The following MTMR3 variants were observed in gnomAD, a reference collection of about 807,000 sequenced individuals.
The protein encoded by MTMR3 is phosphatidylinositol-3,5-bisphosphate 3-phosphatase MTMR3.
Under a neutral mutation model 132.4 loss-of-function variants are expected in MTMR3, and 32 were observed. The ratio of observed to expected loss-of-function variants is 0.24; its 90% CI spans 0.18 to 0.32. The LOEUF (loss-of-function observed/expected upper bound fraction) is 0.32. MTMR3 is among the 10% of genes least tolerant of loss of function. The pLI is 1.00. For missense variants in MTMR3, 1,216 were observed against 1,489.6 expected, an observed-to-expected ratio of 0.82 and a Z score of 3.02; for synonymous variants, 556 against 550.3, an observed-to-expected ratio of 1.01 and a Z score of -0.14.
chr22:29,993,940 G>A lies in MTMR3; in HGVS notation c.460+2270G>A, dbSNP rs111443715. 176 of 177,756 alleles carry A rather than the reference G, an allele frequency of 9.9e-4. 1 individual carries two copies. The highest frequency in any genetic ancestry group is 3.9e-3 in the African/African-American group (162 of 41,986). 11.0% of individuals were successfully genotyped at this position (177,756 alleles called of 1,614,324 possible). On this transcript the variant is annotated intron_variant, in intron 7 of 19. Transcript: ENST00000401950. ...AATTAGGAAACCTGAATTTAAATGC[G>A]TATTCTACGATTTAGTTGAAAAAAA...
At chr22:29,961,941 A>C (rs2066320245) in intron 2 of MTMR3, among the ~76,000 whole-genome samples, 1 of 152,262 alleles carries the variant, frequency 6.6e-6, no homozygotes, top group African/African-American at 2.4e-5. Context: ...CATGCTGTGC[A>C]GGTTTGTAGC....
intron 7 of MTMR3, chr22:29,993,987 T>G (rs2067012916): frequency 2.9e-6 from 1 of 347,308 alleles, no homozygotes; most frequent in Admixed American, 6.5e-5. Flanking sequence ...AAAGAATTTA[T>G]GCTCTCTGTG....
chr22:30,017,913 T>TC lies in MTMR3; in HGVS notation c.1675-8dup, dbSNP rs749043820. On this transcript the variant is annotated splice_polypyrimidine_tract_variant and intron_variant, in intron 15 of 19. Coordinates refer to ENST00000401950, the MANE Select transcript of MTMR3 (RefSeq NM_021090.4). ...TTGGGGCATATTTAAACCTGTGTCC[T>TC]CCCCCCTCCTCAGGTGCTGTACCCT... is the stretch of plus-strand genomic sequence containing the variant. 1.4e-5 allele frequency: 22 copies of TC among 1,611,958 alleles called. No individual in the cohort carries two copies. Among genetic ancestry groups the TC allele is most frequent in the Non-Finnish European group, 1.7e-5 (20 of 1,179,308 alleles).
At chr22:29,998,651 T>C (rs1164308227) in intron 7 of MTMR3, 110 bp from the exon 8 acceptor site, 21 of 539,108 alleles carry the variant, frequency 3.9e-5, no homozygotes, top group Middle Eastern at 5.4e-4. Context: ...TCAAAAAATA[T>C]ATATATATTT....
At chr22:30,015,276 CA>C (rs1258343778) in intron 14 of MTMR3, 2 of 151,166 alleles carry the variant, frequency 1.3e-5, no homozygotes, top group African/African-American at 4.9e-5. Flanking sequence ...AGGCAGGTCT[CA>C]AACACCTGGG....
chr22:29,946,561 G>A (rs185705898), intron 1 of MTMR3, among the ~76,000 whole-genome samples: 10 of 152,250 alleles, frequency 6.6e-5, no homozygotes, highest in African/African-American at 2.2e-4. Context: ...GAAAAATGAG[G>A]GAACAAGGAA....
At chr22:29,902,647 G>A (rs190768676) in intron 1 of MTMR3, among the ~76,000 whole-genome samples, 26 of 152,192 alleles carry the variant, frequency 1.7e-4, no homozygotes, top group Admixed American at 1.4e-3. Flanking sequence ...GATTACAGGC[G>A]TGAGTCACCG....
chr22:30,016,597 G>A lies in MTMR3; in HGVS notation c.1573G>A (p.Gly525Arg). 2 of 1,614,204 alleles carry A rather than the reference G, an allele frequency of 1.2e-6. No individual in the cohort carries two copies. The highest frequency in any genetic ancestry group is 1.7e-6 in the Non-Finnish European group (2 of 1,180,040). Residue 525 changes from glycine to arginine, a missense_variant, in exon 15 of 20, where the codon GGG (glycine) becomes AGG (arginine). By Grantham distance (125) the Gly-to-Arg change is moderately radical. Around this residue, in one of 7 missense-constraint regions of MTMR3, gnomAD observed 852 missense variants for 852.0 expected, o/e 1.00. Transcript: ENST00000401950. Reference sequence around the variant, plus strand: ...CCTGTGCAACAACGCCAAGGAGAGAGGGGAAAAGCATACTCAGGAACGGAC... The same window carrying A: ...CCTGTGCAACAACGCCAAGGAGAGAAGGGAAAAGCATACTCAGGAACGGAC... ...TFLCNNAKER[G>R]EKHTQERTCS...
At chr22:30,025,456 T>C in intron 19 of MTMR3, 174 bp from the exon 20 acceptor site, 1 of 639,152 alleles carries the variant, frequency 1.6e-6, no homozygotes, top group Admixed American at 2.8e-5. Context: ...CTCTGCTAGG[T>C]AGGGACACCC....
chr22:29,925,338 T>C (rs917780912), intron 1 of MTMR3, among the ~76,000 whole-genome samples: 4 of 152,178 alleles, frequency 2.6e-5, no homozygotes, highest in Non-Finnish European at 5.9e-5. Flanking sequence ...CAGCCTGAAT[T>C]TTTTGACGTC....
chr22:30,002,747 T>C (rs1251389030), intron 8 of MTMR3, 133 bp from the exon 9 acceptor site: 3 of 638,658 alleles, frequency 4.7e-6, no homozygotes, highest in African/African-American at 3.6e-5. Flanking sequence ...AAGCGCCTCA[T>C]TGCCTTTAAC....
At chr22:30,015,657 C>T (rs1161783071) in intron 14 of MTMR3, 2 of 152,194 alleles carry the variant, frequency 1.3e-5, no homozygotes, top group African/African-American at 2.4e-5. Context: ...TGAGTTATCC[C>T]AGCATAGAGT....
intron 15 of MTMR3, chr22:30,017,020 G>C (rs946830013): frequency 8.7e-6 from 2 of 229,706 alleles, no homozygotes; most frequent in Non-Finnish European, 1.7e-5. Flanking sequence ...AGGCACTTAA[G>C]TTGCTTCCTG....
intron 3 of MTMR3, among the ~76,000 whole-genome samples, chr22:29,971,865 C>T (rs79875810): frequency 0.02 from 3,097 of 152,280 alleles, 46 homozygotes; most frequent in Non-Finnish European, 0.032. Flanking sequence ...GTAATATTGT[C>T]CTTCTTCTAC....
intron 1 of MTMR3, 64 bp from the exon 2 acceptor site, chr22:29,956,972 T>C (rs1383587748): frequency 1.3e-5 from 2 of 152,330 alleles, no homozygotes; most frequent in Non-Finnish European, 2.9e-5. Flanking sequence ...TGGGGAGATC[T>C]AAGTGGCTTA....
At chr22:29,994,123 C>A in intron 7 of MTMR3, 1 of 985,362 alleles carries the variant, frequency 1.0e-6, no homozygotes, top group Middle Eastern at 5.2e-4. Context: ...TAAGTGCCCC[C>A]TATGTGCCAT....
chr22:29,954,192 C>G lies in MTMR3; in HGVS notation c.-137-2844C>G, dbSNP rs374940557. 2.6e-3 allele frequency among the ~76,000 whole-genome samples: 393 copies of G among 151,702 alleles called. 1 individual carries two copies. Among genetic ancestry groups the G allele is most frequent in the African/African-American group, 9.1e-3 (376 of 41,398 alleles). ...GGACTCCTGGGCTCAAGCAACCCTC[C>G]TGCCTCAGCCTCCCGAGTACCTGGG... On this transcript the variant is annotated intron_variant, in intron 1 of 19. Coordinates refer to ENST00000401950, the MANE Select transcript of MTMR3 (RefSeq NM_021090.4).
chr22:29,950,414 A>G (rs561745426), intron 1 of MTMR3, among the ~76,000 whole-genome samples: 1 of 151,160 alleles, frequency 6.6e-6, no homozygotes, highest in South Asian at 2.1e-4. Context: ...CCCAGGCTGG[A>G]GTGCAGTGGC....
chr22:29,978,883 C>CTTT, intron 4 of MTMR3, 53 bp from the exon 5 acceptor site: 1 of 1,110,658 alleles, frequency 9.0e-7, no homozygotes, highest in Non-Finnish European at 1.3e-6. Flanking sequence ...ATGTTTGAAG[C>CTTT]TTTTTTTTTT....
Sources: allele counts gnomAD v4.1 joint callset (sites outside exome capture counted in the v4.1 genomes callset), GRCh38; gene constraint gnomAD v4.1.1; regional missense constraint gnomAD v4.1.1; transcripts MANE v1.5; gene names NCBI Gene and HGNC (gene_info 2026-07-23, HGNC 2026-07-21).